NREP: variants seen among roughly 807,000 people sequenced by gnomAD.
NREP encodes the protein neuronal regeneration-related protein.
Under a neutral mutation model 8.6 loss-of-function variants are expected in NREP, and 5 were observed. The ratio of observed to expected loss-of-function variants is 0.58; its 90% CI spans 0.30 to 1.22. NREP has a LOEUF of 1.22. NREP is among the 50% of genes most tolerant of loss of function. NREP has a pLI of 0.07. For synonymous variants in NREP, 27 were observed against 28.0 expected, an observed-to-expected ratio of 0.96 and a Z score of 0.11; for missense variants, 86 against 82.5, an observed-to-expected ratio of 1.04 and a Z score of -0.17.
intron 2 of NREP, among the ~76,000 whole-genome samples, chr5:111,909,779 C>T (rs1754864496): frequency 6.6e-6 from 1 of 152,112 alleles, no homozygotes; most frequent in Admixed American, 6.6e-5. Context: ...CAATGCCAAG[C>T]TGTGTTCTCT....
At chr5:111,817,306 C>G (rs1162984582) in intron 2 of NREP, among the ~76,000 whole-genome samples, 2 of 152,150 alleles carry the variant, frequency 1.3e-5, no homozygotes, top group African/African-American at 4.8e-5. Context: ...CTCAGTGCAT[C>G]ATTGAATGGA....
intron 2 of NREP, among the ~76,000 whole-genome samples, chr5:111,777,356 G>A (rs1751389523): frequency 9.9e-6 from 1 of 101,136 alleles, no homozygotes; most frequent in Non-Finnish European, 2.1e-5. Context: ...GTGTGTGTGA[G>A]TGTGTGTGTG....
At chr5:111,775,970 G>T (rs183443978) in intron 2 of NREP, among the ~76,000 whole-genome samples, 2 of 152,180 alleles carry the variant, frequency 1.3e-5, no homozygotes, top group South Asian at 2.1e-4. Context: ...TATAATAAGA[G>T]ACTTTCAAAT....
intron 2 of NREP, among the ~76,000 whole-genome samples, chr5:111,896,838 G>C (rs1375777039): frequency 1.3e-5 from 2 of 152,136 alleles, no homozygotes. Flanking sequence ...ACACTGAGGT[G>C]GGGGTAAGAA....
chr5:111,752,502 A>G (rs563028039), intron 2 of NREP, among the ~76,000 whole-genome samples: 27 of 152,366 alleles, frequency 1.8e-4, no homozygotes, highest in Non-Finnish European at 3.5e-4. Context: ...CAAGCTATGA[A>G]TAGGACCGCA....
At chr5:111,973,001 T>A (rs1756863427) in intron 2 of NREP, among the ~76,000 whole-genome samples, 1 of 152,036 alleles carries the variant, frequency 6.6e-6, no homozygotes, top group Non-Finnish European at 1.5e-5. Context: ...GAGAGAAGGG[T>A]TGTGTGTAGC....
At chr5:111,976,213 C>T (rs1756959710) in intron 1 of NREP, among the ~76,000 whole-genome samples, 1 of 152,116 alleles carries the variant, frequency 6.6e-6, no homozygotes, top group Admixed American at 6.5e-5. Context: ...AGGAGCTCTG[C>T]ATATTTCAAT....
chr5:111,950,481 G>A (rs1258733944), intron 2 of NREP, among the ~76,000 whole-genome samples: 1 of 152,106 alleles, frequency 6.6e-6, no homozygotes, highest in African/African-American at 2.4e-5. Context: ...CAGGACATAT[G>A]CATGGGCGAA....
At chr5:111,752,068 A>C (rs373514356) in intron 2 of NREP, among the ~76,000 whole-genome samples, 87 of 152,352 alleles carry the variant, frequency 5.7e-4, no homozygotes, top group African/African-American at 2.0e-3. Context: ...GGTTTAGCAG[A>C]GTATTCATAT....
intron 2 of NREP, among the ~76,000 whole-genome samples, chr5:111,797,066 T>TAGATAGAC (rs755467116): frequency 4.1e-5 from 4 of 98,526 alleles, no homozygotes; most frequent in African/African-American, 1.5e-4. Flanking sequence ...TCTACTAAGA[T>TAGATAGAC]AGATAGATAG....
At chr5:111,780,903 C>T (rs1322019178) in intron 2 of NREP, among the ~76,000 whole-genome samples, 2 of 151,792 alleles carry the variant, frequency 1.3e-5, no homozygotes, top group African/African-American at 2.4e-5. Context: ...TTTTTTTTAA[C>T]GTTTATTTTA....
At chr5:111,966,803 T>C (rs1756654997) in intron 2 of NREP, among the ~76,000 whole-genome samples, 1 of 152,208 alleles carries the variant, frequency 6.6e-6, no homozygotes, top group Non-Finnish European at 1.5e-5. Context: ...CTGTCCTCTT[T>C]CTCCATTTTT....
rs946930377 is a variant in NREP at position 111,730,384 on chromosome 5, G to A, written c.*537C>T. On this transcript the variant is annotated 3_prime_UTR_variant, in exon 4 of 4. Transcript: ENST00000257435. The stretch of plus-strand genomic sequence containing the variant: ...ATAGCACCATTCATCAGTGTCTCAG[G>A]TCCTGTGGCAGCATCTCGGTCACTT... The A allele has an allele frequency of 1.3e-5, 2 of 152,748 alleles. No individual in the cohort carries two copies. The highest frequency in any genetic ancestry group is 2.9e-5 in the Non-Finnish European group (2 of 68,188). 9.5% of individuals were successfully genotyped at this position (152,748 alleles called of 1,614,324 possible).
intron 2 of NREP, among the ~76,000 whole-genome samples, chr5:111,876,076 A>C (rs1753901034): frequency 6.6e-6 from 1 of 152,166 alleles, no homozygotes; most frequent in African/African-American, 2.4e-5. Context: ...TTATGCAGGC[A>C]GGTTTTCAGC....
chr5:111,965,645 T>C (rs901822431), intron 2 of NREP, among the ~76,000 whole-genome samples: 23 of 152,310 alleles, frequency 1.5e-4, no homozygotes, highest in Non-Finnish European at 3.2e-4. Context: ...TATAATGTCA[T>C]TTCATCTGTA....
In NREP at chr5:111,907,865, T is replaced by C. The variant is rs542025151; in HGVS notation, c.135+67409A>G. Among the ~76,000 whole-genome samples, 15 of 152,214 alleles carry C rather than the reference T, an allele frequency of 9.9e-5. No individual in the cohort carries two copies. The East Asian group carries it at 2.9e-3, about 29-fold the overall frequency. On this transcript the variant is annotated intron_variant, in intron 2 of 3. Transcript: ENST00000395634. ...GGCTTCCATGGAATTCTTTGCTTAC[T>C]ATACCTGTAGGAATTATTACTATTT...
intron 2 of NREP, among the ~76,000 whole-genome samples, chr5:111,892,849 T>C (rs1388463850): frequency 1.3e-5 from 2 of 152,168 alleles, no homozygotes; most frequent in Admixed American, 6.5e-5. Context: ...TTTGGGTTTC[T>C]TAGGATCTGA....
intron 2 of NREP, among the ~76,000 whole-genome samples, chr5:111,861,525 G>T (rs1314706190): frequency 6.6e-6 from 1 of 152,066 alleles, no homozygotes; most frequent in Non-Finnish European, 1.5e-5. Flanking sequence ...GATCTCCCTT[G>T]TATCAATTAT....
rs1335641013 is a variant in NREP, at chr5:111,864,652, GA to G, written c.135+110621del. ...AAAAAAGTTTGAGAAACACTGCTCT[GA>G]AAGGAACAAAGAAATGAGTCCAAAT... On this transcript the variant is annotated intron_variant, in intron 2 of 3. Coordinates refer to the NREP transcript ENST00000395634. Among the ~76,000 whole-genome samples the G allele has an allele frequency of 2.0e-5, 3 of 152,152 alleles. No individual in the cohort carries two copies. In the East Asian group the frequency reaches 5.8e-4, roughly 29 times the overall value.
Sources: gnomAD v4.1 joint callset for allele counts (sites outside exome capture counted in the v4.1 genomes callset) on GRCh38, gnomAD v4.1.1 for gene constraint, MANE v1.5 for transcripts, NCBI Gene and HGNC (gene_info 2026-07-23, HGNC 2026-07-21) for gene names.